PTPRM: variants seen among roughly 807,000 people sequenced by gnomAD.
The protein encoded by PTPRM is protein tyrosine phosphatase receptor type M.
In PTPRM, 47 loss-of-function variants were observed where a neutral mutation model predicts 186.7. The observed-to-expected ratio is 0.25, with a 90% CI of 0.20 to 0.32. The LOEUF (loss-of-function observed/expected upper bound fraction) is 0.32. Among genes scored for constraint, PTPRM ranks in the 10% least tolerant of loss-of-function variants. The pLI is 1.00. For synonymous variants in PTPRM, 668 were observed against 674.9 expected, an observed-to-expected ratio of 0.99 and a Z score of 0.16; for missense variants, 1,494 against 1,865.0, an observed-to-expected ratio of 0.80 and a Z score of 3.66.
intron 1 of PTPRM, among the ~76,000 whole-genome samples, chr18:7,594,447 T>C (rs1052071615): frequency 6.6e-6 from 1 of 151,808 alleles, no homozygotes. Context: ...GCCATTGCAC[T>C]CTAGCCCAGG....
intron 14 of PTPRM, among the ~76,000 whole-genome samples, chr18:8,219,991 A>G (rs1269978382): frequency 6.6e-6 from 1 of 152,140 alleles, no homozygotes; most frequent in Admixed American, 6.5e-5. Context: ...CGCTATAACG[A>G]GGTGTGTCTG....
chr18:8,183,075 C>T (rs2146605914), intron 14 of PTPRM, among the ~76,000 whole-genome samples: 1 of 152,278 alleles, frequency 6.6e-6, no homozygotes, highest in South Asian at 2.1e-4. Context: ...AGTCACACAG[C>T]ACTTATAATT....
intron 1 of PTPRM, among the ~76,000 whole-genome samples, chr18:7,732,856 T>C (rs986564347): frequency 6.6e-6 from 1 of 152,104 alleles, no homozygotes; most frequent in South Asian, 2.1e-4. Context: ...TAAGAATCCC[T>C]GTGTTTATTT....
chr18:8,063,087 C>G (rs1328112992), intron 7 of PTPRM, among the ~76,000 whole-genome samples: 2 of 151,610 alleles, frequency 1.3e-5, no homozygotes, highest in African/African-American at 4.9e-5. Context: ...TGATCTCAGA[C>G]TGCTGTGCTG....
At chr18:8,088,076 G>A (rs375107434) in intron 10 of PTPRM, among the ~76,000 whole-genome samples, 2 of 152,228 alleles carry the variant, frequency 1.3e-5, no homozygotes, top group South Asian at 4.1e-4. Context: ...TTTGAATTAC[G>A]ATAATAAACG....
At chr18:8,106,836 C>T (rs995420056) in intron 11 of PTPRM, among the ~76,000 whole-genome samples, 2 of 152,234 alleles carry the variant, frequency 1.3e-5, no homozygotes, top group African/African-American at 4.8e-5. Context: ...AGCCAGTCAC[C>T]TGTGGACGGT....
chr18:7,795,368 AG>A (rs1407238485), intron 2 of PTPRM, among the ~76,000 whole-genome samples: 4 of 152,084 alleles, frequency 2.6e-5, no homozygotes, highest in Admixed American at 6.6e-5. Context: ...TAAACCTCTA[AG>A]GAGAACAATT....
At chr18:8,181,256 A>G (rs1408006911) in intron 14 of PTPRM, among the ~76,000 whole-genome samples, 1 of 152,202 alleles carries the variant, frequency 6.6e-6, no homozygotes, top group African/African-American at 2.4e-5. Context: ...GAGTGATTCC[A>G]TCTTTCTCCA....
chr18:8,404,024 A>C (rs2148655821), intron 32 of PTPRM: 1 of 152,216 alleles, frequency 6.6e-6, no homozygotes, highest in South Asian at 2.1e-4. Flanking sequence ...TTGTTTACAG[A>C]GTTTTTGTGT....
chr18:7,646,607 G>T (rs1385680600), intron 1 of PTPRM, among the ~76,000 whole-genome samples: 1 of 152,040 alleles, frequency 6.6e-6, no homozygotes, highest in African/African-American at 2.4e-5. Flanking sequence ...TTATTACCTG[G>T]CTTTGCATTT....
chr18:7,572,168 A>G (rs1022192685), intron 1 of PTPRM, among the ~76,000 whole-genome samples: 3 of 152,188 alleles, frequency 2.0e-5, no homozygotes, highest in Non-Finnish European at 2.9e-5. Flanking sequence ...CTAGAAAATT[A>G]TAGGTTTTAG....
chr18:7,833,619 AG>A (rs980120851), intron 2 of PTPRM, among the ~76,000 whole-genome samples: 16 of 152,054 alleles, frequency 1.1e-4, no homozygotes, highest in African/African-American at 3.4e-4. Flanking sequence ...CTATAATCCC[AG>A]CTACTCGGGA....
At chr18:7,958,459 A>G (rs1205312084) in intron 7 of PTPRM, among the ~76,000 whole-genome samples, 1 of 152,148 alleles carries the variant, frequency 6.6e-6, no homozygotes, top group Non-Finnish European at 1.5e-5. Context: ...AGAACTGAGA[A>G]GGGGATGGGG....
At chr18:7,726,879 C>T (rs771197362) in intron 1 of PTPRM, among the ~76,000 whole-genome samples, 14 of 152,034 alleles carry the variant, frequency 9.2e-5, no homozygotes, top group Non-Finnish European at 2.1e-4. Context: ...TGTTATATTC[C>T]GTGGAATAAT....
intron 19 of PTPRM, among the ~76,000 whole-genome samples, chr18:8,273,591 T>C (rs1181747062): frequency 1.3e-5 from 2 of 152,220 alleles, no homozygotes; most frequent in African/African-American, 4.8e-5. Context: ...ATTGCATTGC[T>C]GAACCTTCAG....
In PTPRM at chr18:7,658,330, T is replaced by TTATATATATATATATATATATATATATA. The variant is rs34009975; in HGVS notation, c.73+90442_73+90469dup. On this transcript the variant is annotated intron_variant, in intron 1 of 32. Coordinates refer to ENST00000580170, the MANE Select transcript of PTPRM (RefSeq NM_001105244.2). ...GTGGCTTCCTAAAATTAAAGTAAAT[T>TTATATATATATATATATATATATATATA]TATATATATATATATATATATATAT... 2.4e-4 allele frequency among the ~76,000 whole-genome samples: 30 copies of TTATATATATATATATATATATATATATA among 124,424 alleles called. 1 individual carries two copies. Among genetic ancestry groups the TTATATATATATATATATATATATATATA allele is most frequent in the African/African-American group, 8.9e-4 (29 of 32,672 alleles). 81.6% of individuals were successfully genotyped at this position (124,424 alleles called of 152,430 possible).
chr18:7,951,761 A>C (rs1046680755), intron 6 of PTPRM, among the ~76,000 whole-genome samples: 1 of 152,192 alleles, frequency 6.6e-6, no homozygotes. Context: ...ATAACATGCT[A>C]GATACTACTA....
At position 8,002,634 on chromosome 18, in the gene PTPRM, G is replaced by A. The variant is rs148820048; in HGVS notation, c.1132+47220G>A. ...AACCAGCAAGCATCAGCATCCTGGA[G>A]AATGCAGACGCCCAGGCTCCAACTC... On this transcript the variant is annotated intron_variant, in intron 7 of 32. Coordinates refer to ENST00000580170, the MANE Select transcript of PTPRM (RefSeq NM_001105244.2). 3.9e-3 allele frequency among the ~76,000 whole-genome samples: 587 copies of A among 152,322 alleles called. 1 individual carries two copies. The highest frequency in any genetic ancestry group is 0.013 in the African/African-American group (544 of 41,562).
chr18:8,281,476 G>C (rs1163470964), intron 19 of PTPRM, among the ~76,000 whole-genome samples: 2 of 152,166 alleles, frequency 1.3e-5, no homozygotes, highest in Non-Finnish European at 2.9e-5. Context: ...CAGTAGGATG[G>C]CCACTGCTGC....
Sources: gnomAD v4.1 joint callset for allele counts (sites outside exome capture counted in the v4.1 genomes callset) on GRCh38, gnomAD v4.1.1 for gene constraint, MANE v1.5 for transcripts, NCBI Gene and HGNC (gene_info 2026-07-23, HGNC 2026-07-21) for gene names.